Variants in ANO6 observed in about 807,000 individuals in gnomAD.
ANO6 encodes anoctamin-6.
A neutral mutation model predicts 117.5 loss-of-function variants in ANO6; 106 were observed. That is an observed-to-expected ratio of 0.90 (90% CI 0.77 to 1.06). The LOEUF is 1.06. ANO6 is among the 50% of genes least tolerant of loss of function. The pLI is 0.00. For missense variants in ANO6, 955 were observed against 1,121.1 expected (o/e 0.85, Z 2.12); for synonymous variants, 367 against 385.1 (o/e 0.95, Z 0.55).
chr12:45,331,325 T>C lies in ANO6; in HGVS notation c.181T>C (p.Phe61Leu). Residue 61 changes from phenylalanine (F) to leucine (L), a missense_variant, in exon 3 of 20, where the codon TTT becomes CTT. Transcript: ENST00000320560. Reference sequence around the variant, plus strand: ...ATTTAATGGAAAACCTGACTCCCTCTTTTTTAATGATGGCCAGCGAAGAAT... The same window carrying C: ...ATTTAATGGAAAACCTGACTCCCTCCTTTTTAATGATGGCCAGCGAAGAAT... The part of the protein sequence containing the change: ...EEFNGKPDSL[F>L]FNDGQRRIDF... 6.2e-7 allele frequency: 1 copy of C among 1,609,748 alleles called. No individual in the cohort carries two copies. The highest frequency in any genetic ancestry group is 8.5e-7 in the Non-Finnish European group (1 of 1,177,698).
intron 18 of ANO6, among the ~76,000 whole-genome samples, chr12:45,422,055 T>C (rs939255816): frequency 1.3e-5 from 2 of 152,210 alleles, no homozygotes; most frequent in African/African-American, 2.4e-5. Context: ...TTACACCTAG[T>C]GGAGCCTCTT....
intron 1 of ANO6, among the ~76,000 whole-genome samples, chr12:45,252,217 C>A (rs542131119): frequency 5.0e-4 from 76 of 152,226 alleles, no homozygotes; most frequent in Non-Finnish European, 9.3e-4. Flanking sequence ...ATCACACACA[C>A]AAAAAAATTT....
intron 1 of ANO6, among the ~76,000 whole-genome samples, chr12:45,218,835 A>C (rs543085117): frequency 6.6e-6 from 1 of 152,324 alleles, no homozygotes; most frequent in East Asian, 1.9e-4. Context: ...TATTTCTCCT[A>C]GTACTTGATT....
At chr12:45,418,157 T>C (rs1201097670) in intron 17 of ANO6, among the ~76,000 whole-genome samples, 1 of 152,108 alleles carries the variant, frequency 6.6e-6, no homozygotes, top group Non-Finnish European at 1.5e-5. Context: ...GGTACCCCAA[T>C]TGGAGGCACA....
intron 3 of ANO6, among the ~76,000 whole-genome samples, chr12:45,335,793 A>G (rs1940807192): frequency 6.6e-6 from 1 of 152,032 alleles, no homozygotes; most frequent in Non-Finnish European, 1.5e-5. Flanking sequence ...TGCTATTGTC[A>G]GAGGCATTTT....
At chr12:45,332,535 T>C (rs910567371) in intron 3 of ANO6, among the ~76,000 whole-genome samples, 2 of 152,062 alleles carry the variant, frequency 1.3e-5, no homozygotes, top group South Asian at 2.1e-4. Flanking sequence ...AGCCCAGACT[T>C]TGGAAACTGA....
At chr12:45,218,336 G>A (rs1326604261) in intron 1 of ANO6, among the ~76,000 whole-genome samples, 1 of 149,686 alleles carries the variant, frequency 6.7e-6, no homozygotes, top group Non-Finnish European at 1.5e-5. Context: ...GAAAAGATAT[G>A]CTGATGTTCT....
intron 3 of ANO6, among the ~76,000 whole-genome samples, chr12:45,332,310 TCA>T (rs68029687): frequency 0.15 from 9,739 of 63,284 alleles, 514 homozygotes; most frequent in East Asian, 0.57. Flanking sequence ...TCTCTCTCTC[TCA>T]CACACACACA....
At chr12:45,310,507 C>T (rs1479070093) in intron 2 of ANO6, among the ~76,000 whole-genome samples, 1 of 151,986 alleles carries the variant, frequency 6.6e-6, no homozygotes, top group Admixed American at 6.6e-5. Flanking sequence ...GTGGTCAGCC[C>T]ACAGTTTAAG....
chr12:45,251,710 G>T (rs1176898796), intron 1 of ANO6, among the ~76,000 whole-genome samples: 1 of 152,196 alleles, frequency 6.6e-6, no homozygotes, highest in African/African-American at 2.4e-5. Flanking sequence ...TAGATTCAGG[G>T]GGAGGGGCCG....
chr12:45,367,037 A>G (rs1335751605), intron 8 of ANO6, among the ~76,000 whole-genome samples: 1 of 152,160 alleles, frequency 6.6e-6, no homozygotes, highest in African/African-American at 2.4e-5. Flanking sequence ...GCTGGAGTGC[A>G]GTGGCATGAT....
intron 10 of ANO6, among the ~76,000 whole-genome samples, chr12:45,379,726 G>C (rs989714755): frequency 1.3e-5 from 2 of 152,174 alleles, no homozygotes; most frequent in African/African-American, 4.8e-5. Context: ...ACACTAGAAA[G>C]ACAAGCCTCA....
At chr12:45,285,893 C>T (rs1328085233) in intron 1 of ANO6, among the ~76,000 whole-genome samples, 1 of 152,134 alleles carries the variant, frequency 6.6e-6, no homozygotes, top group South Asian at 2.1e-4. Context: ...ACTCCTCCTC[C>T]CCACTGGAGG....
At chr12:45,397,471 A>C (rs1942650843) in intron 12 of ANO6, among the ~76,000 whole-genome samples, 1 of 152,218 alleles carries the variant, frequency 6.6e-6, no homozygotes, top group East Asian at 1.9e-4. Flanking sequence ...TTGACCCAGC[A>C]ATCCCATTAC....
intron 11 of ANO6, among the ~76,000 whole-genome samples, chr12:45,388,534 A>G (rs951558544): frequency 1.3e-5 from 2 of 152,202 alleles, no homozygotes; most frequent in African/African-American, 4.8e-5. Context: ...TGCTTAGAAC[A>G]GTAGACACAG....
intron 16 of ANO6, 92 bp downstream of exon 16, chr12:45,409,579 T>C: frequency 7.1e-7 from 1 of 1,417,320 alleles, no homozygotes; most frequent in Non-Finnish European, 9.8e-7. Context: ...TATTAACATT[T>C]AGCATATTGA....
At chr12:45,397,227 AC>A (rs375672141) in intron 12 of ANO6, among the ~76,000 whole-genome samples, 14 of 152,368 alleles carry the variant, frequency 9.2e-5, no homozygotes, top group East Asian at 7.7e-4. Context: ...GCCAACAGAC[AC>A]ATGAAAAAAT....
chr12:45,333,905 C>G lies in ANO6; in HGVS notation c.279+2482C>G, dbSNP rs142188492. ...CTTATGTGTAAACCATATTGATTTC[C>G]TAAAGCAACCCCAAGCTTGACTTCA... On this transcript the variant is annotated intron_variant, in intron 3 of 19. Transcript: ENST00000320560. Among the ~76,000 whole-genome samples the G allele has an allele frequency of 6.4e-4, 98 of 152,058 alleles. 1 individual carries two copies. The Middle Eastern group carries it at 0.01, about 16-fold the overall frequency.
At chr12:45,406,317 G>A (rs1249075968) in intron 15 of ANO6, among the ~76,000 whole-genome samples, 1 of 152,196 alleles carries the variant, frequency 6.6e-6, no homozygotes, top group Non-Finnish European at 1.5e-5. Context: ...GAGCCCTTTG[G>A]CCTTCCCAGC....
Sources: gnomAD v4.1 joint callset for allele counts (sites outside exome capture counted in the v4.1 genomes callset) on GRCh38, gnomAD v4.1.1 for gene constraint, MANE v1.5 for transcripts, NCBI Gene and HGNC (gene_info 2026-07-23, HGNC 2026-07-21) for gene names.